Variants in ANKMY1 observed in about 807,000 individuals in gnomAD.
The protein encoded by ANKMY1 is ankyrin repeat and MYND domain containing 1.
ANKMY1 carries 98 observed loss-of-function variants against 102.0 expected under a neutral mutation model. That is an observed-to-expected ratio of 0.96 (90% CI 0.82 to 1.14). The LOEUF (loss-of-function observed/expected upper bound fraction) is 1.14. Among genes scored for constraint, ANKMY1 ranks in the 50% most tolerant of loss-of-function variants. The pLI is 0.00. For synonymous variants in ANKMY1, 582 were observed against 559.9 expected (o/e 1.04, Z -0.56); for missense variants, 1,330 against 1,347.6 (o/e 0.99, Z 0.20).
In ANKMY1 at chr2:240,554,948, C is replaced by T. The variant is rs2092123527; in HGVS notation, c.254G>A (p.Trp85Ter). The T allele has an allele frequency of 6.2e-7, 1 of 1,614,206 alleles. No homozygotes were observed. The highest frequency in any genetic ancestry group is 1.3e-5 in the African/African-American group (1 of 75,068). Reference protein sequence around the residue: ...YIQLVQGVQEWQDGCMYQGEF... With the variant: ...YIQLVQGVQE ...CCCCTGGTACATGCAACCATCCTGC[C>T]ACTCCTGCACACCCTGGACGAGCTG... The change falls in exon 3 of 18, where the codon TGG becomes TAG. Residue 85 changes from tryptophan (W) to a stop codon, truncating the protein, a stop_gained. Transcript: ENST00000401804. LOFTEE classifies it high-confidence loss of function.
At chr2:240,525,456 G>T (rs951886100) in intron 7 of ANKMY1, among the ~76,000 whole-genome samples, 27 of 152,054 alleles carry the variant, frequency 1.8e-4, no homozygotes, top group Admixed American at 1.4e-3. Context: ...CAGGTCTCGG[G>T]GCCCCAGGCT....
At chr2:240,469,200 C>T in the ANKMY1 span, among the ~76,000 whole-genome samples, 4 of 152,338 alleles carry the variant, frequency 2.6e-5, no homozygotes, top group East Asian at 1.9e-4. Context: ...CCTTTTTGAA[C>T]CTGGGCAAAT....
At chr2:240,498,871 T>C (rs2077657782) in intron 15 of ANKMY1, among the ~76,000 whole-genome samples, 1 of 152,108 alleles carries the variant, frequency 6.6e-6, no homozygotes, top group Non-Finnish European at 1.5e-5. Flanking sequence ...CTCTCTCTCT[T>C]GCCATGTGAT....
At chr2:240,473,254 T>G in the ANKMY1 span, among the ~76,000 whole-genome samples, 3 of 143,130 alleles carry the variant, frequency 2.1e-5, no homozygotes, top group African/African-American at 5.3e-5. Flanking sequence ...CTCAATAACA[T>G]GCGAGATAAC....
the ANKMY1 span, among the ~76,000 whole-genome samples, chr2:240,472,700 G>A: frequency 7.3e-5 from 5 of 68,356 alleles, no homozygotes; most frequent in Non-Finnish European, 1.1e-4. Context: ...AACTAATCCT[G>A]GAGGCAACCC....
At chr2:240,502,774 T>C (rs1389366934) in intron 13 of ANKMY1, among the ~76,000 whole-genome samples, 1 of 150,294 alleles carries the variant, frequency 6.7e-6, no homozygotes, top group African/African-American at 2.5e-5. Flanking sequence ...ATCTGAACTA[T>C]GACATCACTG....
chr2:240,520,277 G>A lies in ANKMY1; in HGVS notation c.2004+85C>T, dbSNP rs569510954. ...CTGCAAGAGCCCACCCCTCTCTTCC[G>A]CGCCTAGGTGGAGCGAGGAGCTTCC... is the stretch of plus-strand genomic sequence containing the variant. On this transcript the variant is annotated intron_variant, in intron 9 of 17. Transcript: ENST00000401804. This position sits in a 1 kb window ranked among gnomAD's most constrained non-coding sequence, Gnocchi z 4.8. 1.1e-5 allele frequency: 17 copies of A among 1,485,786 alleles called. No individual in the cohort carries two copies. The African/African-American group carries it at 2.0e-4, about 17-fold the overall frequency. 92.0% of individuals were successfully genotyped at this position (1,485,786 alleles called of 1,614,324 possible).
chr2:240,527,404 G>C (rs1438766688), intron 5 of ANKMY1: 1 of 152,828 alleles, frequency 6.5e-6, no homozygotes, highest in African/African-American at 2.4e-5. Context: ...TGGATGGGTG[G>C]GTGGGTAGGT....
upstream of ANKMY1, chr2:240,560,530 G>A: frequency 2.6e-6 from 3 of 1,148,742 alleles, no homozygotes; most frequent in Non-Finnish European, 3.4e-6. Context: ...AGCGCCCGCG[G>A]GGGACCCAAG....
intron 4 of ANKMY1, among the ~76,000 whole-genome samples, chr2:240,551,745 C>A (rs529089197): frequency 6.6e-6 from 1 of 152,280 alleles, no homozygotes; most frequent in African/African-American, 2.4e-5. Flanking sequence ...CCAGAAAGAC[C>A]CACAACCTGA....
At position 240,523,914 on chromosome 2, in the gene ANKMY1, GGTCCCTTT is replaced by G. The variant is rs771906181; in HGVS notation, c.1795_1802del (p.Lys599HisfsTer127). The G allele has an allele frequency of 3.7e-5, 60 of 1,613,576 alleles. No homozygotes were observed. The highest frequency in any genetic ancestry group is 4.7e-5 in the Non-Finnish European group (56 of 1,180,020). On this transcript the variant is annotated frameshift_variant, in exon 8 of 18. Coordinates refer to ENST00000401804, the MANE Select transcript of ANKMY1 (RefSeq NM_001282771.3). LOFTEE classifies it high-confidence loss of function. ...TCATGGACAGCGCCATCCTCCGCATGGTCCCTTTGTCGAAGCTGCTGGTGCACGGTGAG... is the reference window on the plus strand; with the variant it reads ...TCATGGACAGCGCCATCCTCCGCATGGTCGAAGCTGCTGGTGCACGGTGAG...
rs181251859 is a variant in ANKMY1, at chr2:240,498,329, C to T, written c.2806+1629G>A. Among the ~76,000 whole-genome samples the T allele has an allele frequency of 4.2e-3, 634 of 150,120 alleles. 7 individuals carry two copies. Among genetic ancestry groups the T allele is most frequent in the Non-Finnish European group, 3.7e-3 (247 of 67,650 alleles). On this transcript the variant is annotated intron_variant, in intron 15 of 17. Coordinates refer to ENST00000401804, the MANE Select transcript of ANKMY1 (RefSeq NM_001282771.3). ...TATGCATGGGTGGGCACATGTGTGA[C>T]GGCACATAAGTGAGTTTGGGAGGTG...
At chr2:240,550,316 G>A (rs1315301030) in intron 4 of ANKMY1, among the ~76,000 whole-genome samples, 1 of 138,514 alleles carries the variant, frequency 7.2e-6, no homozygotes, top group Non-Finnish European at 1.5e-5. Flanking sequence ...TGAACAACGA[G>A]AACACATGGA....
At position 240,500,075 on chromosome 2, in the gene ANKMY1, G is replaced by A. The variant is rs369197129; in HGVS notation, c.2689C>T (p.Arg897Cys). Residue 897 changes from arginine (R) to cysteine (C), a missense_variant, in exon 15 of 18, where the codon CGC becomes TGC. Transcript: ENST00000401804. The stretch of plus-strand genomic sequence containing the variant: ...CGCTTCCGCGCCAGGAACGTCTCGC[G>A]CTCTGCTGGCATCAGCGTGTGGAAG... ...CPFHTLMPAE[R>C]ETFLARKRLL... is the part of the protein sequence containing the mutation. 17 of 1,611,042 alleles carry A rather than the reference G, an allele frequency of 1.1e-5. No homozygotes were observed. The highest frequency in any genetic ancestry group is 3.3e-4 in the Middle Eastern group (2 of 6,052).
intron 10 of ANKMY1, among the ~76,000 whole-genome samples, chr2:240,512,359 G>A (rs1212239131): frequency 6.6e-6 from 1 of 152,256 alleles, no homozygotes; most frequent in Non-Finnish European, 1.5e-5. Context: ...CCCTTGTGGA[G>A]GAAGGAAGAC....
Position 240,557,215 on chromosome 2 carries a change from T to C in ANKMY1, c.121A>G (p.Lys41Glu). ...TPAAEEPGSL[K>E]NYAVFATRDV... ...CTTGTGGCGAAGACAGCGTAGTTCT[T>C]CAGGGACCCCGGCTCCTCGGCAGCA... Residue 41 changes from lysine to glutamate, a missense_variant, in exon 2 of 18, where the codon AAG becomes GAG. Coordinates refer to ENST00000401804, the MANE Select transcript of ANKMY1 (RefSeq NM_001282771.3). 1 of 1,573,958 alleles carries C rather than the reference T, an allele frequency of 6.4e-7. No individual in the cohort carries two copies. The highest frequency in any genetic ancestry group is 1.2e-5 in the South Asian group (1 of 86,684).
intron 11 of ANKMY1, among the ~76,000 whole-genome samples, chr2:240,511,223 C>T (rs2080115995): frequency 6.6e-6 from 1 of 152,176 alleles, no homozygotes; most frequent in Admixed American, 6.5e-5. Context: ...CATGTCAGGA[C>T]CACACAAGTT....
At position 240,495,118 on chromosome 2, in the gene ANKMY1, G is replaced by A. The variant is rs541102126; in HGVS notation, c.2806+4840C>T. ...GAGCCTTCTGTTATGCCCGGACAGG[G>A]CCACCAGAGGGCTCCTTGGTCTAGC... On this transcript the variant is annotated intron_variant, in intron 15 of 17. Transcript: ENST00000401804. Among the ~76,000 whole-genome samples, 62 of 152,266 alleles carry A rather than the reference G, an allele frequency of 4.1e-4. 1 individual carries two copies. In the South Asian group the frequency reaches 0.011, roughly 27 times the overall value.
chr2:240,548,882 AG>A lies in ANKMY1; in HGVS notation c.480+4031del, dbSNP rs554071458. Among the ~76,000 whole-genome samples, 646 of 152,256 alleles carry A rather than the reference AG, an allele frequency of 4.2e-3. 7 individuals are homozygous for A. The highest frequency in any genetic ancestry group is 0.015 in the African/African-American group (621 of 41,518). ...ATAAAAGAGGATACAAACAAATGGA[AG>A]AACATTCCATGCTCATTGGGAGGAA... On this transcript the variant is annotated intron_variant, in intron 4 of 17. Coordinates refer to ENST00000401804, the MANE Select transcript of ANKMY1 (RefSeq NM_001282771.3).
Sources: allele counts gnomAD v4.1 joint callset (sites outside exome capture counted in the v4.1 genomes callset), GRCh38; gene constraint gnomAD v4.1.1; non-coding constraint Gnocchi (gnomAD v3.1); transcripts MANE v1.5; gene names NCBI Gene and HGNC (gene_info 2026-07-23, HGNC 2026-07-21).